ING1: variants seen among roughly 807,000 people sequenced by gnomAD.
The protein encoded by ING1 is inhibitor of growth family member 1.
ING1 carries 4 observed loss-of-function variants against 23.1 expected under a neutral mutation model. The observed-to-expected ratio is 0.17, with a 90% CI of 0.09 to 0.40. The LOEUF (loss-of-function observed/expected upper bound fraction) is 0.40, where lower values mean the gene tolerates loss of function less well. ING1 is among the 10% of genes least tolerant of loss of function. ING1 has a pLI of 1.00. For missense variants in ING1, 256 were observed against 393.8 expected, an observed-to-expected ratio of 0.65 and a Z score of 2.96; for synonymous variants, 179 against 166.4, an observed-to-expected ratio of 1.08 and a Z score of -0.58.
chr13:110,715,912 T>G (rs778930539), intron 1 of ING1: 1 of 1,576,542 alleles, frequency 6.3e-7, no homozygotes, highest in South Asian at 1.1e-5. Context: ...GGGCTGCAGT[T>G]CGGACCGCCT....
rs1311749894 is a variant in ING1, at chr13:110,714,068, T to C, written c.-82T>C. On this transcript the variant is annotated 5_prime_UTR_variant, in exon 1 of 2. Coordinates refer to ENST00000333219, the MANE Select transcript of ING1 (RefSeq NM_198219.3). ...CCGGGAGAGCGAGGGCTTTGCATTT[T>C]GCAGTGCTATTTTTTGAGGGGGGCG... The C allele has an allele frequency of 2.0e-5, 28 of 1,398,660 alleles. No individual in the cohort carries two copies. Among genetic ancestry groups the C allele is most frequent in the Admixed American group, 2.9e-5 (1 of 34,466 alleles). 86.6% of individuals were successfully genotyped at this position (1,398,660 alleles called of 1,614,324 possible).
In ING1 at chr13:110,719,262, G is replaced by T. The variant is rs1486641403; in HGVS notation, c.170G>T (p.Arg57Leu). The T allele has an allele frequency of 1.2e-6, 2 of 1,612,774 alleles. No homozygotes were observed. Among genetic ancestry groups the T allele is most frequent in the Non-Finnish European group, 8.5e-7 (1 of 1,179,952 alleles). The change falls in exon 2 of 2, where the codon CGC becomes CTC. Residue 57 changes from arginine (R) to leucine (L), a missense_variant. Arg to Leu is a moderately radical substitution (Grantham distance 102, BLOSUM62 -2). Coordinates refer to ENST00000333219, the MANE Select transcript of ING1 (RefSeq NM_198219.3). The surrounding 1 kb of genome is among the most constrained non-coding windows in gnomAD (Gnocchi z 8.9). Reference sequence around the variant, plus strand: ...AAGGAGCTAGACGAGTGCTACGAGCGCTTCAGTCGCGAGACAGACGGGGCG... The same window carrying T: ...AAGGAGCTAGACGAGTGCTACGAGCTCTTCAGTCGCGAGACAGACGGGGCG... ...ILKELDECYE[R>L]FSRETDGAQK...
intron 1 of ING1, among the ~76,000 whole-genome samples, chr13:110,717,941 C>A (rs906025275): frequency 6.6e-6 from 1 of 152,200 alleles, no homozygotes; most frequent in African/African-American, 2.4e-5. Flanking sequence ...AAAAAGAACT[C>A]TGGAATTTCT....
chr13:110,712,901 A>C, upstream of ING1: 1 of 1,521,384 alleles, frequency 6.6e-7, no homozygotes, highest in Non-Finnish European at 8.9e-7. Context: ...AGACGACACA[A>C]AGGGAGGGCG....
intron 1 of ING1, chr13:110,715,603 T>C: frequency 6.2e-7 from 1 of 1,614,070 alleles, no homozygotes; most frequent in South Asian, 1.1e-5. Context: ...ACGAGTTGAT[T>C]TGAACGTCTT....
At position 110,715,232 on chromosome 13, in the gene ING1, C is replaced by T. The variant is rs918236891; in HGVS notation, c.136+947C>T. 5 of 1,309,470 alleles carry T rather than the reference C, an allele frequency of 3.8e-6. No individual in the cohort carries two copies. The African/African-American group carries it at 6.0e-5, about 16-fold the overall frequency. 81.1% of individuals were successfully genotyped at this position (1,309,470 alleles called of 1,614,324 possible). A position where few individuals can be genotyped will look rare whatever the true frequency, so the allele number is the denominator to read the frequency against. ...AATGTGGATCACCACTCGGAGTTTA[C>T]TAATGTTTACAAGGCTGCGCAGTAG... is the stretch of plus-strand genomic sequence containing the variant. On this transcript the variant is annotated intron_variant, in intron 1 of 1. Coordinates refer to ENST00000333219, the MANE Select transcript of ING1 (RefSeq NM_198219.3).
At chr13:110,716,463 C>T (rs1302681285) in intron 1 of ING1, among the ~76,000 whole-genome samples, 2 of 152,110 alleles carry the variant, frequency 1.3e-5, no homozygotes, top group Admixed American at 1.3e-4. Flanking sequence ...CTTCCACAGA[C>T]CTACTCTGTA....
chr13:110,719,770 C>T lies in ING1; in HGVS notation c.678C>T (p.Cys226=), dbSNP rs753383406. 1 of 1,613,982 alleles carries T rather than the reference C, an allele frequency of 6.2e-7. No individual in the cohort carries two copies. The highest frequency in any genetic ancestry group is 8.5e-7 in the Non-Finnish European group (1 of 1,179,978). The part of the protein sequence containing the change: ...NQVSYGEMIG[C]DNDECPIEWF... The stretch of plus-strand genomic sequence containing the variant: ...TCTCCTATGGGGAGATGATCGGCTG[C>T]GACAACGACGAGTGCCCCATCGAGT... Residue 226 remains cysteine, a synonymous_variant, in exon 2 of 2, where the codon TGC becomes TGT. Transcript: ENST00000333219. This position sits in a 1 kb window ranked among gnomAD's most constrained non-coding sequence, Gnocchi z 8.9.
intron 1 of ING1, among the ~76,000 whole-genome samples, chr13:110,716,642 A>G (rs542781676): frequency 2.3e-4 from 35 of 152,254 alleles, no homozygotes; most frequent in Non-Finnish European, 4.1e-4. Flanking sequence ...TTCATAAAGA[A>G]CTTCAGTGCA....
chr13:110,713,593 G>A, upstream of ING1: 2 of 985,652 alleles, frequency 2.0e-6, no homozygotes, highest in Non-Finnish European at 2.4e-6. Flanking sequence ...GACGGTGAGG[G>A]GCGTGAATGC....
At chr13:110,715,073 C>G in intron 1 of ING1, 1 of 1,027,186 alleles carries the variant, frequency 9.7e-7, no homozygotes, top group Non-Finnish European at 1.2e-6. Context: ...GTGAGAGGAC[C>G]TGTGCGTCGT....
intron 1 of ING1, among the ~76,000 whole-genome samples, chr13:110,717,029 G>A (rs1239513710): frequency 1.3e-5 from 2 of 152,220 alleles, no homozygotes; most frequent in Non-Finnish European, 2.9e-5. Flanking sequence ...CTGGATGGAA[G>A]CTTGCTTGTG....
At chr13:110,716,598 A>G (rs2064125694) in intron 1 of ING1, among the ~76,000 whole-genome samples, 1 of 152,244 alleles carries the variant, frequency 6.6e-6, no homozygotes, top group African/African-American at 2.4e-5. Flanking sequence ...AAACATTATC[A>G]TAAAAATACC....
intron 1 of ING1, among the ~76,000 whole-genome samples, chr13:110,718,808 C>A (rs996849805): frequency 6.6e-6 from 1 of 151,822 alleles, no homozygotes; most frequent in African/African-American, 2.4e-5. Flanking sequence ...TAATTGTATT[C>A]AAATAGAAAC....
At chr13:110,715,165 CTT>C in intron 1 of ING1, 1 of 1,184,760 alleles carries the variant, frequency 8.4e-7, no homozygotes, top group South Asian at 3.6e-5. Context: ...GTTGGGGAAA[CTT>C]TCCTGCGAGG....
In ING1 at chr13:110,722,893, TAGAA is replaced by T. The variant is rs1056186579; in HGVS notation, c.*2965_*2968del. ...GGATTTAGATCATGATTAGATACAA[TAGAA>T]AGATCCTGGAATCCCGACATGAGGA... On this transcript the variant is annotated 3_prime_UTR_variant, in exon 2 of 2. Transcript: ENST00000333219. 2.6e-5 allele frequency: 4 copies of T among 151,928 alleles called. No homozygotes were observed. The highest frequency in any genetic ancestry group is 1.9e-4 in the East Asian group (1 of 5,182). The allele number at this position is 151,928 out of a possible 1,614,324, so 9.4% of individuals were successfully genotyped here. A position where few individuals can be genotyped will look rare whatever the true frequency, so the allele number is the denominator to read the frequency against.
upstream of ING1, chr13:110,712,631 A>C (rs1369344899): frequency 3.7e-6 from 2 of 533,498 alleles, no homozygotes; most frequent in East Asian, 3.8e-5. Context: ...GGGAGGGTAG[A>C]GGGGCGACGC....
At position 110,723,010 on chromosome 13, in the gene ING1, C is replaced by T. The variant is rs1234533227; in HGVS notation, c.*3078C>T. On this transcript the variant is annotated 3_prime_UTR_variant, in exon 2 of 2. Coordinates refer to ENST00000333219, the MANE Select transcript of ING1 (RefSeq NM_198219.3). ...GTTGCTTTTACTTAGATGTTCAATGCATATTTGTTGTATAATAACCAAGTT... is the reference window on the plus strand; with the variant it reads ...GTTGCTTTTACTTAGATGTTCAATGTATATTTGTTGTATAATAACCAAGTT... 2 of 152,200 alleles carry T rather than the reference C, an allele frequency of 1.3e-5. No individual in the cohort carries two copies. The highest frequency in any genetic ancestry group is 2.9e-5 in the Non-Finnish European group (2 of 68,042). 9.4% of individuals were successfully genotyped at this position (152,200 alleles called of 1,614,324 possible). A position where few individuals can be genotyped will look rare whatever the true frequency, so the allele number is the denominator to read the frequency against.
chr13:110,716,151 T>A (rs1221386756), intron 1 of ING1: 3 of 836,944 alleles, frequency 3.6e-6, no homozygotes, highest in Non-Finnish European at 5.0e-6. Flanking sequence ...ACCACTTTGA[T>A]CGTTCGACGA....
Sources: allele counts gnomAD v4.1 joint callset (sites outside exome capture counted in the v4.1 genomes callset), GRCh38; gene constraint gnomAD v4.1.1; non-coding constraint Gnocchi (gnomAD v3.1); transcripts MANE v1.5; gene names NCBI Gene and HGNC (gene_info 2026-07-23, HGNC 2026-07-21).